Variants in FGF14 observed in about 807,000 individuals in gnomAD.
FGF14 encodes the protein fibroblast growth factor 14, also known as fibroblast growth factor homologous factor 4.
FGF14 carries 5 observed loss-of-function variants against 25.5 expected under a neutral mutation model. The observed-to-expected ratio is 0.20, with a 90% CI of 0.10 to 0.41. The LOEUF is 0.41. FGF14 is among the 10% of genes least tolerant of loss of function. FGF14 has a pLI of 1.00. For missense variants in FGF14, 222 were observed against 320.1 expected (o/e 0.69, Z 2.34); for synonymous variants, 138 against 118.3 (o/e 1.17, Z -1.08).
chr13:102,214,754 G>T (rs1176368077), intron 1 of FGF14, among the ~76,000 whole-genome samples: 1 of 152,130 alleles, frequency 6.6e-6, no homozygotes, highest in African/African-American at 2.4e-5. Flanking sequence ...CACAACTTGG[G>T]GGCTGCCACT....
At chr13:101,812,651 A>ATTTT (rs2041631047) in intron 3 of FGF14, among the ~76,000 whole-genome samples, 1 of 8,148 alleles carries the variant, frequency 1.2e-4, no homozygotes, top group Non-Finnish European at 2.3e-4. Context: ...ATATATATAT[A>ATTTT]TATTTTTTTT....
chr13:102,112,374 C>A (rs1460404252), intron 1 of FGF14, among the ~76,000 whole-genome samples: 1 of 152,152 alleles, frequency 6.6e-6, no homozygotes, highest in Non-Finnish European at 1.5e-5. Context: ...ACCCCCCAGC[C>A]CAAAGAGCTG....
chr13:102,135,256 T>C (rs1162452462), intron 1 of FGF14, among the ~76,000 whole-genome samples: 1 of 152,084 alleles, frequency 6.6e-6, no homozygotes, highest in African/African-American at 2.4e-5. Flanking sequence ...AGAAATGGTC[T>C]ACACACTAGG....
intron 3 of FGF14, among the ~76,000 whole-genome samples, chr13:101,741,065 T>C (rs543217807): frequency 2.2e-4 from 33 of 152,262 alleles, no homozygotes; most frequent in Non-Finnish European, 2.5e-4. Context: ...GACTTCCCAG[T>C]TGGAGGCAAC....
Position 102,007,034 on chromosome 13 carries a change from G to A in FGF14, c.209-131738C>T, listed in dbSNP as rs138552288. The stretch of plus-strand genomic sequence containing the variant: ...GCTGGGATTACAGGCGTGAGCCACC[G>A]CGCCCGGCCAAAATCTTACTTCTTA... On this transcript the variant is annotated intron_variant, in intron 1 of 4. Coordinates refer to the FGF14 transcript ENST00000376131. Among the ~76,000 whole-genome samples, 1,266 of 152,162 alleles carry A rather than the reference G, an allele frequency of 8.3e-3. 12 individuals carry two copies. The highest frequency in any genetic ancestry group is 0.014 in the Non-Finnish European group (978 of 68,006).
intron 1 of FGF14, among the ~76,000 whole-genome samples, chr13:102,239,179 G>A (rs1760055115): frequency 6.6e-6 from 1 of 152,104 alleles, no homozygotes; most frequent in South Asian, 2.1e-4. Flanking sequence ...CAATTGCATT[G>A]TAGAAATGTC....
Position 102,358,213 on chromosome 13 carries a change from A to G in FGF14, c.208+43258T>C, listed in dbSNP as rs41444044. 7.1e-3 allele frequency among the ~76,000 whole-genome samples: 1,083 copies of G among 152,326 alleles called. 19 individuals carry two copies. Among genetic ancestry groups the G allele is most frequent in the East Asian group, 0.047 (242 of 5,190 alleles). On this transcript the variant is annotated intron_variant, in intron 1 of 4. Transcript: ENST00000376131. ...TTAACAGTTGAAATATGAATCATTAACAAAAATGTGTTTCATGTATATATT... is the reference window on the plus strand; with the variant it reads ...TTAACAGTTGAAATATGAATCATTAGCAAAAATGTGTTTCATGTATATATT...
At chr13:102,144,917 C>T (rs1012943644) in intron 1 of FGF14, among the ~76,000 whole-genome samples, 12 of 151,958 alleles carry the variant, frequency 7.9e-5, no homozygotes, top group South Asian at 2.1e-4. Context: ...AAAATGAATA[C>T]GTTTCTATTT....
intron 1 of FGF14, among the ~76,000 whole-genome samples, chr13:102,309,237 C>G (rs2055594109): frequency 6.6e-6 from 1 of 151,776 alleles, no homozygotes; most frequent in Non-Finnish European, 1.5e-5. Context: ...CAACATGGTG[C>G]TATTACACAA....
intron 1 of FGF14, among the ~76,000 whole-genome samples, chr13:102,361,792 T>A (rs1284420624): frequency 6.6e-6 from 1 of 152,220 alleles, no homozygotes; most frequent in African/African-American, 2.4e-5. Flanking sequence ...GTGTTCCTTG[T>A]ATTCATTAGG....
chr13:101,832,988 T>C (rs1345062486), intron 3 of FGF14, among the ~76,000 whole-genome samples: 1 of 152,056 alleles, frequency 6.6e-6, no homozygotes, highest in African/African-American at 2.4e-5. Flanking sequence ...GTTTGCCGGA[T>C]CTCTTTGACA....
intron 1 of FGF14, among the ~76,000 whole-genome samples, chr13:102,014,966 G>A (rs2040263280): frequency 6.6e-6 from 1 of 152,142 alleles, no homozygotes; most frequent in African/African-American, 2.4e-5. Flanking sequence ...TGTTGCCTAG[G>A]CTGGAGTGCA....
At chr13:101,932,962 T>C (rs553915562) in intron 1 of FGF14, among the ~76,000 whole-genome samples, 1 of 152,292 alleles carries the variant, frequency 6.6e-6, no homozygotes, top group Admixed American at 6.5e-5. Context: ...GCTAACGAGC[T>C]ACAGTGATGT....
intron 1 of FGF14, among the ~76,000 whole-genome samples, chr13:102,077,526 G>A (rs1235798882): frequency 6.6e-6 from 1 of 152,104 alleles, no homozygotes; most frequent in Non-Finnish European, 1.5e-5. Flanking sequence ...TGGCTAACAG[G>A]TATATGAAAA....
intron 1 of FGF14, among the ~76,000 whole-genome samples, chr13:102,203,123 T>TTCGA (rs71200767): frequency 0.19 from 29,453 of 152,078 alleles, 3,038 homozygotes; most frequent in Non-Finnish European, 0.24. Flanking sequence ...TCTACTCCAG[T>TTCGA]TCGATGTTTT....
intron 1 of FGF14, among the ~76,000 whole-genome samples, chr13:102,114,497 A>C (rs1324256411): frequency 6.6e-6 from 1 of 152,204 alleles, no homozygotes; most frequent in Non-Finnish European, 1.5e-5. Flanking sequence ...AATCTGGAAG[A>C]GATATCTGCA....
At chr13:101,929,947 G>C (rs2034639339) in intron 1 of FGF14, among the ~76,000 whole-genome samples, 1 of 152,154 alleles carries the variant, frequency 6.6e-6, no homozygotes, top group Non-Finnish European at 1.5e-5. Context: ...AGAGAAAAAA[G>C]GGGCAACACA....
intron 1 of FGF14, among the ~76,000 whole-genome samples, chr13:101,910,787 G>T (rs1268599608): frequency 6.8e-6 from 1 of 147,084 alleles, no homozygotes; most frequent in Non-Finnish European, 1.5e-5. Flanking sequence ...ACTGTAACTG[G>T]CTTTAAATTG....
At chr13:101,778,007 C>T (rs760105573) in intron 3 of FGF14, among the ~76,000 whole-genome samples, 1 of 152,172 alleles carries the variant, frequency 6.6e-6, no homozygotes, top group Admixed American at 6.6e-5. Context: ...AATCTATATG[C>T]ACACTGTAAT....
Sources: gnomAD v4.1 joint callset for allele counts (sites outside exome capture counted in the v4.1 genomes callset) on GRCh38, gnomAD v4.1.1 for gene constraint, MANE v1.5 for transcripts, NCBI Gene and HGNC (gene_info 2026-07-23, HGNC 2026-07-21) for gene names.